Variants in TANC2 observed in about 807,000 individuals in gnomAD.
The protein encoded by TANC2 is protein TANC2.
TANC2 carries 26 observed loss-of-function variants against 210.5 expected under a neutral mutation model. The ratio of observed to expected loss-of-function variants is 0.12; its 90% CI spans 0.09 to 0.17. The LOEUF (loss-of-function observed/expected upper bound fraction) is 0.17, where lower values mean the gene tolerates loss of function less well. Among genes scored for constraint, TANC2 ranks in the 10% least tolerant of loss-of-function variants. The pLI is 1.00. For synonymous variants in TANC2, 931 were observed against 967.1 expected (o/e 0.96, Z 0.69); for missense variants, 2,129 against 2,608.9 (o/e 0.82, Z 4.01).
intron 1 of TANC2, among the ~76,000 whole-genome samples, chr17:63,001,550 T>A (rs1171047186): frequency 1.3e-5 from 2 of 151,008 alleles, no homozygotes; most frequent in Admixed American, 6.6e-5. Context: ...TTTCTTTTTC[T>A]TTCTTTCTTT....
intron 2 of TANC2, among the ~76,000 whole-genome samples, chr17:63,049,664 A>G (rs181088538): frequency 2.6e-5 from 4 of 152,202 alleles, no homozygotes; most frequent in South Asian, 2.1e-4. Context: ...ACTTACAATG[A>G]GAAACCTTTG....
chr17:63,210,037 T>C (rs569993105), intron 7 of TANC2, among the ~76,000 whole-genome samples: 1 of 152,360 alleles, frequency 6.6e-6, no homozygotes, highest in African/African-American at 2.4e-5. Flanking sequence ...TCTAACACTT[T>C]GTTTAGGATT....
At chr17:63,063,506 C>T (rs1327505242) in intron 2 of TANC2, among the ~76,000 whole-genome samples, 4 of 147,892 alleles carry the variant, frequency 2.7e-5, no homozygotes, top group Non-Finnish European at 6.0e-5. Flanking sequence ...GATTAAGAGG[C>T]CTGTGTCAGA....
chr17:63,275,946 G>C (rs942607599), intron 9 of TANC2, among the ~76,000 whole-genome samples: 1 of 152,008 alleles, frequency 6.6e-6, no homozygotes, highest in Non-Finnish European at 1.5e-5. Flanking sequence ...AACCTATTTT[G>C]ATGTTTTGAT....
intron 11 of TANC2, among the ~76,000 whole-genome samples, chr17:63,319,696 G>A (rs2146628050): frequency 6.6e-6 from 1 of 152,324 alleles, no homozygotes; most frequent in South Asian, 2.1e-4. Context: ...GTAATCAACA[G>A]TTTTAAATTT....
intron 14 of TANC2, among the ~76,000 whole-genome samples, chr17:63,360,965 T>C (rs918454856): frequency 6.6e-6 from 1 of 152,248 alleles, no homozygotes; most frequent in Admixed American, 6.5e-5. Context: ...TTGTTGTAAA[T>C]GACAGGGCCT....
At chr17:63,083,942 G>A (rs1005041887) in intron 3 of TANC2, among the ~76,000 whole-genome samples, 3 of 152,150 alleles carry the variant, frequency 2.0e-5, no homozygotes, top group African/African-American at 4.8e-5. Flanking sequence ...AGAAATTTCT[G>A]TAGTGTTCTT....
At chr17:63,174,819 G>T (rs771927955) in intron 5 of TANC2, among the ~76,000 whole-genome samples, 112 of 152,050 alleles carry the variant, frequency 7.4e-4, no homozygotes, top group Admixed American at 1.5e-3. Context: ...AAAATGAATG[G>T]TATTGCTATA....
At chr17:63,265,553 T>C (rs2043499433) in intron 8 of TANC2, among the ~76,000 whole-genome samples, 1 of 152,202 alleles carries the variant, frequency 6.6e-6, no homozygotes, top group Admixed American at 6.5e-5. Context: ...AGTAAGTGTT[T>C]TAGGTAATAT....
intron 12 of TANC2, among the ~76,000 whole-genome samples, chr17:63,345,633 A>C (rs1046966125): frequency 1.3e-5 from 2 of 151,822 alleles, no homozygotes; most frequent in Non-Finnish European, 2.9e-5. Flanking sequence ...AAAAAAAAAA[A>C]AAAAAACACA....
At chr17:63,367,219 C>A (rs984216801) in intron 14 of TANC2, among the ~76,000 whole-genome samples, 8 of 152,182 alleles carry the variant, frequency 5.3e-5, no homozygotes, top group Non-Finnish European at 2.9e-5. Context: ...CTCCTCTACA[C>A]CAAGGACTGT....
chr17:63,008,469 A>G (rs1412537605), intron 1 of TANC2, among the ~76,000 whole-genome samples: 1 of 152,122 alleles, frequency 6.6e-6, no homozygotes, highest in African/African-American at 2.4e-5. Flanking sequence ...CCAAGTACTT[A>G]CAACACTTTT....
At chr17:63,333,454 A>T (rs149670864) in intron 11 of TANC2, among the ~76,000 whole-genome samples, 1 of 152,224 alleles carries the variant, frequency 6.6e-6, no homozygotes, top group African/African-American at 2.4e-5. Context: ...CTGAATTGCT[A>T]TCATCTCTTG....
At chr17:63,171,666 G>T (rs1439226428) in intron 5 of TANC2, among the ~76,000 whole-genome samples, 1 of 152,194 alleles carries the variant, frequency 6.6e-6, no homozygotes, top group African/African-American at 2.4e-5. Context: ...TGAAAGGAAT[G>T]TTGTTATCTG....
At chr17:63,051,314 C>G (rs1021121692) in intron 2 of TANC2, among the ~76,000 whole-genome samples, 12 of 152,086 alleles carry the variant, frequency 7.9e-5, no homozygotes, top group African/African-American at 2.9e-4. Context: ...TCATTTGTGT[C>G]TTTGCAAATA....
chr17:63,309,477 A>G (rs932840201), intron 9 of TANC2, among the ~76,000 whole-genome samples: 1 of 151,776 alleles, frequency 6.6e-6, no homozygotes, highest in Non-Finnish European at 1.5e-5. Context: ...TTTGCTTTCT[A>G]AATTGTTTTG....
chr17:63,045,688 T>C (rs967207772), intron 2 of TANC2, among the ~76,000 whole-genome samples: 2 of 152,180 alleles, frequency 1.3e-5, no homozygotes, highest in Non-Finnish European at 2.9e-5. Context: ...TACCCTTTTC[T>C]TACATCCAGT....
intron 7 of TANC2, among the ~76,000 whole-genome samples, chr17:63,211,051 T>C (rs2041870062): frequency 1.3e-5 from 2 of 152,164 alleles, no homozygotes; most frequent in African/African-American, 4.8e-5. Context: ...TTCATAGCAT[T>C]GCTTCAATGG....
chr17:63,420,121 A>AGCCACCGCC lies in TANC2; in HGVS notation c.4400_4408dup (p.Pro1467_Pro1469dup), dbSNP rs566549017. 2 of 1,553,024 alleles carry AGCCACCGCC rather than the reference A, an allele frequency of 1.3e-6. No homozygotes were observed. The highest frequency in any genetic ancestry group is 2.7e-5 in the African/African-American group (2 of 73,078). On this transcript the variant is annotated inframe_insertion, in exon 28 of 28. Transcript: ENST00000689528. The surrounding 1 kb of genome is among the most constrained non-coding windows in gnomAD (Gnocchi z 4.2). The stretch of plus-strand genomic sequence containing the variant: ...TGTAGACAGATGCAGCAGCCACAGC[A>AGCCACCGCC]GCCACCGCCGCCACCGCAGCCTCAG...
Sources: allele counts gnomAD v4.1 joint callset (sites outside exome capture counted in the v4.1 genomes callset), GRCh38; gene constraint gnomAD v4.1.1; non-coding constraint Gnocchi (gnomAD v3.1); transcripts MANE v1.5; gene names NCBI Gene and HGNC (gene_info 2026-07-23, HGNC 2026-07-21).